Variants in BICD1 observed in about 807,000 individuals in gnomAD.
BICD1 encodes the protein BICD cargo adaptor 1.
A neutral mutation model predicts 92.5 loss-of-function variants in BICD1; 35 were observed. The ratio of observed to expected loss-of-function variants is 0.38; its 90% CI spans 0.29 to 0.50. BICD1 has a LOEUF of 0.50. Ranked by LOEUF, BICD1 falls within the 20% of genes least tolerant of loss-of-function variation. The pLI is 0.93. For synonymous variants in BICD1, 429 were observed against 465.1 expected (o/e 0.92, Z 1.00); for missense variants, 950 against 1,189.8 (o/e 0.80, Z 2.97).
chr12:32,170,398 C>G (rs10844146), intron 1 of BICD1, among the ~76,000 whole-genome samples: 46,332 of 152,034 alleles, frequency 0.3, 7,347 homozygotes, highest in Admixed American at 0.37. Flanking sequence ...GTCTGAGCCA[C>G]TTATGAACAA....
rs115752901 is a variant in BICD1, at chr12:32,188,436, C to T, written c.214-27811C>T. ...AACAAAACCAATTTTCTGTGTCAAA[C>T]GTAGTTTACAACTTTATGTAAACAT... On this transcript the variant is annotated intron_variant, in intron 1 of 9. Coordinates refer to ENST00000652176, the MANE Select transcript of BICD1 (RefSeq NM_001714.4). 6.0e-3 allele frequency among the ~76,000 whole-genome samples: 910 copies of T among 152,216 alleles called. 11 individuals are homozygous for T. Among genetic ancestry groups the T allele is most frequent in the African/African-American group, 0.021 (858 of 41,540 alleles).
intron 2 of BICD1, among the ~76,000 whole-genome samples, chr12:32,255,246 C>A (rs1315827516): frequency 6.6e-6 from 1 of 152,130 alleles, no homozygotes; most frequent in Non-Finnish European, 1.5e-5. Context: ...CCACTGATCC[C>A]ATCATCCCCC....
intron 2 of BICD1, among the ~76,000 whole-genome samples, chr12:32,249,588 A>G (rs989447959): frequency 1.3e-5 from 2 of 151,918 alleles, no homozygotes; most frequent in African/African-American, 4.8e-5. Flanking sequence ...AACCATTCAC[A>G]TGGAGCCTAA....
At chr12:32,263,275 A>ATGG (rs1294180540) in intron 2 of BICD1, among the ~76,000 whole-genome samples, 1 of 150,302 alleles carries the variant, frequency 6.7e-6, no homozygotes. Flanking sequence ...AAGGCCAGGC[A>ATGG]TGGTGGCTCA....
intron 1 of BICD1, among the ~76,000 whole-genome samples, chr12:32,185,708 A>G (rs1592437968): frequency 6.6e-6 from 1 of 152,322 alleles, no homozygotes; most frequent in East Asian, 1.9e-4. Context: ...TCAATGACGC[A>G]GGGATCTATA....
chr12:32,141,477 G>A lies in BICD1; in HGVS notation c.213+33933G>A, dbSNP rs567586579. 3.6e-3 allele frequency among the ~76,000 whole-genome samples: 552 copies of A among 152,120 alleles called. 3 individuals are homozygous for A. The highest frequency in any genetic ancestry group is 3.4e-3 in the Middle Eastern group (1 of 294). ...GGCCCTTCCTTTGGACACACTTTTT[G>A]TTTTGTTTTGTTTTTGAGCGGAGTC... is the stretch of plus-strand genomic sequence containing the variant. On this transcript the variant is annotated intron_variant, in intron 1 of 9. Coordinates refer to ENST00000652176, the MANE Select transcript of BICD1 (RefSeq NM_001714.4).
At chr12:32,220,667 C>A (rs1163832376) in intron 2 of BICD1, among the ~76,000 whole-genome samples, 7 of 148,878 alleles carry the variant, frequency 4.7e-5, no homozygotes, top group South Asian at 4.4e-4. Context: ...TAGTTCAACC[C>A]TTGTGGAAGT....
chr12:32,302,427 A>G (rs1948081557), intron 3 of BICD1, among the ~76,000 whole-genome samples: 1 of 152,202 alleles, frequency 6.6e-6, no homozygotes, highest in Non-Finnish European at 1.5e-5. Context: ...CCACTAGAGT[A>G]CAGAATGCAA....
intron 1 of BICD1, among the ~76,000 whole-genome samples, chr12:32,117,711 T>TACACACAC (rs747943737): frequency 5.2e-4 from 61 of 117,036 alleles, no homozygotes; most frequent in African/African-American, 1.7e-3. Context: ...CAAATATATA[T>TACACACAC]ACACACACAC....
intron 2 of BICD1, among the ~76,000 whole-genome samples, chr12:32,262,704 A>G (rs924924086): frequency 6.6e-6 from 1 of 152,228 alleles, no homozygotes. Context: ...AGACAGAGAC[A>G]GAGATTGGAA....
chr12:32,373,880 A>C (rs1247212125), intron 9 of BICD1, among the ~76,000 whole-genome samples: 1 of 151,230 alleles, frequency 6.6e-6, no homozygotes, highest in East Asian at 1.9e-4. Context: ...ACTGTCTCAA[A>C]AAAAAAAAAA....
At chr12:32,318,317 A>C (rs1457842154) in intron 4 of BICD1, among the ~76,000 whole-genome samples, 9 of 151,630 alleles carry the variant, frequency 5.9e-5, no homozygotes, top group South Asian at 4.2e-4. Context: ...TGGCCATTTT[A>C]ACGATATTGA....
chr12:32,150,291 C>T (rs1271758085), intron 1 of BICD1, among the ~76,000 whole-genome samples: 1 of 152,208 alleles, frequency 6.6e-6, no homozygotes, highest in Non-Finnish European at 1.5e-5. Context: ...TTCCAACATA[C>T]AAATTTTGGG....
intron 1 of BICD1, among the ~76,000 whole-genome samples, chr12:32,117,630 A>G (rs1941963172): frequency 6.6e-6 from 1 of 150,786 alleles, no homozygotes; most frequent in Admixed American, 6.6e-5. Flanking sequence ...TTTCACACAC[A>G]CGGGCACATG....
intron 9 of BICD1, 98 bp downstream of exon 9, chr12:32,367,843 A>G (rs1018187321): frequency 1.0e-5 from 11 of 1,068,256 alleles, no homozygotes; most frequent in Non-Finnish European, 1.6e-5. Flanking sequence ...GCATCATTGT[A>G]TTTTGCTGTA....
intron 2 of BICD1, among the ~76,000 whole-genome samples, chr12:32,242,184 C>A (rs1191681930): frequency 7.2e-6 from 1 of 137,960 alleles, no homozygotes; most frequent in Non-Finnish European, 1.5e-5. Flanking sequence ...TCACTGCGCT[C>A]CAGCCTAGGA....
At chr12:32,224,429 T>A (rs1378439843) in intron 2 of BICD1, among the ~76,000 whole-genome samples, 1 of 152,264 alleles carries the variant, frequency 6.6e-6, no homozygotes, top group African/African-American at 2.4e-5. Context: ...CTCAACAAAC[T>A]TGCAGCGCAT....
chr12:32,155,171 C>T (rs1023626645), intron 1 of BICD1, among the ~76,000 whole-genome samples: 2 of 151,180 alleles, frequency 1.3e-5, no homozygotes, highest in African/African-American at 4.9e-5. Context: ...GTGTAGACTT[C>T]GTCCACAGCT....
chr12:32,194,493 G>T (rs1054385709), intron 1 of BICD1, among the ~76,000 whole-genome samples: 1 of 152,128 alleles, frequency 6.6e-6, no homozygotes, highest in African/African-American at 2.4e-5. Flanking sequence ...TAAAGTTGCA[G>T]GATACAAAAT....
Sources: allele counts gnomAD v4.1 joint callset (sites outside exome capture counted in the v4.1 genomes callset), GRCh38; gene constraint gnomAD v4.1.1; transcripts MANE v1.5; gene names NCBI Gene and HGNC (gene_info 2026-07-23, HGNC 2026-07-21).